Variants in RANBP17 observed in about 807,000 individuals in gnomAD.
RANBP17 encodes ran-binding protein 17.
In RANBP17, 158 loss-of-function variants were observed where a neutral mutation model predicts 141.2. The observed-to-expected ratio is 1.12, with a 90% CI of 0.98 to 1.28. The LOEUF (loss-of-function observed/expected upper bound fraction) is 1.28. Among genes scored for constraint, RANBP17 ranks in the 50% most tolerant of loss-of-function variants. RANBP17 has a pLI of 0.00. For missense variants in RANBP17, 1,438 were observed against 1,290.7 expected, an observed-to-expected ratio of 1.11 and a Z score of -1.75; for synonymous variants, 430 against 450.0, an observed-to-expected ratio of 0.96 and a Z score of 0.56.
At chr5:170,976,342 G>A (rs1472324243) in intron 14 of RANBP17, among the ~76,000 whole-genome samples, 1 of 152,148 alleles carries the variant, frequency 6.6e-6, no homozygotes. Context: ...TAAAGGGGAT[G>A]TAATAACTGG....
intron 14 of RANBP17, among the ~76,000 whole-genome samples, chr5:171,025,930 A>C (rs1562000201): frequency 1.3e-5 from 2 of 152,266 alleles, no homozygotes; most frequent in South Asian, 2.1e-4. Context: ...GTGATTAATC[A>C]CAACTATAAT....
intron 14 of RANBP17, among the ~76,000 whole-genome samples, chr5:170,976,056 A>G (rs561650382): frequency 1.3e-5 from 2 of 152,242 alleles, no homozygotes; most frequent in Non-Finnish European, 2.9e-5. Context: ...GAATAAAGGG[A>G]TTACATCTCT....
chr5:171,199,325 C>T (rs542818790), intron 18 of RANBP17, among the ~76,000 whole-genome samples: 9 of 152,082 alleles, frequency 5.9e-5, no homozygotes, highest in South Asian at 4.2e-4. Context: ...AAAAACACTG[C>T]GTCTCTGAGG....
At chr5:170,986,799 T>G (rs992032188) in intron 14 of RANBP17, among the ~76,000 whole-genome samples, 3 of 151,924 alleles carry the variant, frequency 2.0e-5, no homozygotes, top group African/African-American at 7.2e-5. Context: ...ATTCTTTCCC[T>G]GCAATTGTTA....
chr5:171,119,374 G>GA (rs1218399208), intron 14 of RANBP17, among the ~76,000 whole-genome samples: 1 of 152,146 alleles, frequency 6.6e-6, no homozygotes, highest in Non-Finnish European at 1.5e-5. Flanking sequence ...GGGTTATACT[G>GA]ACCTTATAAA....
chr5:170,940,837 C>A (rs1774267146), intron 12 of RANBP17, among the ~76,000 whole-genome samples: 1 of 151,772 alleles, frequency 6.6e-6, no homozygotes, highest in African/African-American at 2.4e-5. Flanking sequence ...AAAAAATTGT[C>A]CAAGCATTAG....
intron 7 of RANBP17, 141 bp downstream of exon 7, chr5:170,911,275 T>G: frequency 1.5e-6 from 1 of 663,858 alleles, no homozygotes; most frequent in South Asian, 2.0e-5. Flanking sequence ...TAGCTGCTGA[T>G]AGCTAATATT....
chr5:170,974,516 T>C (rs1007650610), intron 14 of RANBP17, among the ~76,000 whole-genome samples: 1 of 152,152 alleles, frequency 6.6e-6, no homozygotes, highest in African/African-American at 2.4e-5. Context: ...CAGGATGGAA[T>C]CACATGCCAG....
At chr5:170,946,608 A>G (rs1023845732) in intron 12 of RANBP17, among the ~76,000 whole-genome samples, 1 of 152,174 alleles carries the variant, frequency 6.6e-6, no homozygotes, top group Non-Finnish European at 1.5e-5. Context: ...CAACATTTTC[A>G]TCAGCTAACC....
chr5:171,181,415 C>T (rs1424177178), intron 16 of RANBP17, among the ~76,000 whole-genome samples: 1 of 151,680 alleles, frequency 6.6e-6, no homozygotes, highest in Non-Finnish European at 1.5e-5. Flanking sequence ...CACGCCACTG[C>T]ACTCCAGCCT....
rs770903665 is a variant in RANBP17, at chr5:171,294,022, G to C, written c.3042+41G>C. 2.1e-6 allele frequency: 3 copies of C among 1,414,988 alleles called. No homozygotes were observed. In the South Asian group the frequency reaches 3.4e-5, roughly 16 times the overall value. The allele number at this position is 1,414,988 out of a possible 1,614,324, so 87.7% of individuals were successfully genotyped here. ...GGAAGTCACGGGAGGTGGTCCCTGG[G>C]AGAAGAGAGCAGCTATAAGCTAGGG... On this transcript the variant is annotated intron_variant, in intron 26 of 27. Transcript: ENST00000523189.
chr5:170,902,878 T>A (rs939672768), intron 5 of RANBP17, among the ~76,000 whole-genome samples: 2 of 152,176 alleles, frequency 1.3e-5, no homozygotes, highest in Admixed American at 6.5e-5. Context: ...GATTGCTGCC[T>A]GTTTCCTCTT....
At chr5:170,935,842 G>A (rs1338763892) in intron 12 of RANBP17, among the ~76,000 whole-genome samples, 1 of 152,206 alleles carries the variant, frequency 6.6e-6, no homozygotes, top group Non-Finnish European at 1.5e-5. Context: ...GGACGTTTAA[G>A]TCTGCAGAAG....
chr5:171,100,056 T>C (rs1275288116), intron 14 of RANBP17, among the ~76,000 whole-genome samples: 1 of 152,236 alleles, frequency 6.6e-6, no homozygotes, highest in Admixed American at 6.5e-5. Flanking sequence ...GTTATTGGCC[T>C]GAAATTTTAT....
intron 14 of RANBP17, among the ~76,000 whole-genome samples, chr5:170,985,700 A>G (rs1778096505): frequency 6.6e-6 from 1 of 152,192 alleles, no homozygotes; most frequent in Non-Finnish European, 1.5e-5. Flanking sequence ...TCAACTGGAA[A>G]ACATTCCAAT....
chr5:171,295,132 T>G (rs1768736830), intron 26 of RANBP17, among the ~76,000 whole-genome samples: 2 of 152,162 alleles, frequency 1.3e-5, no homozygotes, highest in African/African-American at 4.8e-5. Flanking sequence ...CTTTTGGGGC[T>G]GGGAAGAATA....
At chr5:171,056,363 T>A (rs2127661912) in intron 14 of RANBP17, among the ~76,000 whole-genome samples, 1 of 152,210 alleles carries the variant, frequency 6.6e-6, no homozygotes, top group Non-Finnish European at 1.5e-5. Flanking sequence ...AAGATAACAA[T>A]CGTTTGTGAA....
chr5:171,120,435 A>G (rs1755951124), intron 14 of RANBP17, among the ~76,000 whole-genome samples: 1 of 152,350 alleles, frequency 6.6e-6, no homozygotes, highest in East Asian at 1.9e-4. Context: ...GTCATGATAC[A>G]AAGTCCTTCC....
chr5:171,177,632 C>A (rs1760574043), intron 16 of RANBP17, among the ~76,000 whole-genome samples: 1 of 152,178 alleles, frequency 6.6e-6, no homozygotes, highest in Non-Finnish European at 1.5e-5. Context: ...ATTTTTCAGT[C>A]TTGGCTAAAG....
Sources: gnomAD v4.1 joint callset for allele counts (sites outside exome capture counted in the v4.1 genomes callset) on GRCh38, gnomAD v4.1.1 for gene constraint, MANE v1.5 for transcripts, NCBI Gene and HGNC (gene_info 2026-07-23, HGNC 2026-07-21) for gene names.